NUDT4: variants seen among roughly 807,000 people sequenced by gnomAD.
The protein encoded by NUDT4 is diphosphoinositol polyphosphate phosphohydrolase 2.
A neutral mutation model predicts 23.1 loss-of-function variants in NUDT4; 5 were observed. The observed-to-expected ratio is 0.22, with a 90% CI of 0.11 to 0.46. The LOEUF (loss-of-function observed/expected upper bound fraction) is 0.46, where lower values mean the gene tolerates loss of function less well. Among genes scored for constraint, NUDT4 ranks in the 20% least tolerant of loss-of-function variants. NUDT4 has a pLI of 0.99. For missense variants in NUDT4, 96 were observed against 211.6 expected (o/e 0.45, Z 3.39); for synonymous variants, 50 against 79.0 (o/e 0.63, Z 1.95).
chr12:93,384,791 C>G (rs562378517), intron 1 of NUDT4, among the ~76,000 whole-genome samples: 9 of 151,962 alleles, frequency 5.9e-5, no homozygotes, highest in African/African-American at 2.2e-4. Flanking sequence ...GAGTCTCACT[C>G]TGTCACCCAG....
rs1379685082 is a variant in NUDT4 at position 93,403,053 on chromosome 12, A to T, written c.*3674A>T. 5 of 149,572 alleles carry T rather than the reference A, an allele frequency of 3.3e-5. No homozygotes were observed. Among genetic ancestry groups the T allele is most frequent in the Non-Finnish European group, 5.9e-5 (4 of 67,938 alleles). The allele number at this position is 149,572 out of a possible 1,614,324, so 9.3% of individuals were successfully genotyped here. On this transcript the variant is annotated 3_prime_UTR_variant, in exon 5 of 5. Coordinates refer to ENST00000415493, the MANE Select transcript of NUDT4 (RefSeq NM_019094.6). ...TTTAATTTTTTTTTTTTTTTGGTAG[A>T]GATGGGGTCTTGCTGTGTTGCCCAG... is the stretch of plus-strand genomic sequence containing the variant.
chr12:93,395,342 CT>C (rs1401448501), intron 2 of NUDT4, 146 bp from the exon 3 acceptor site: 1 of 669,082 alleles, frequency 1.5e-6, no homozygotes, highest in African/African-American at 1.8e-5. Context: ...ACAATAAAAA[CT>C]TCACAGAAGC....
intron 3 of NUDT4, 87 bp downstream of exon 3, chr12:93,395,620 C>G (rs554846117): frequency 9.5e-7 from 1 of 1,049,832 alleles, no homozygotes; most frequent in South Asian, 1.3e-5. Context: ...GCAGCCTGAA[C>G]CAGACATTTC....
At position 93,406,631 on chromosome 12, in the gene NUDT4, C is replaced by T. The variant is rs1877832960; in HGVS notation, c.*7252C>T. 6.6e-6 allele frequency: 1 copy of T among 152,152 alleles called. No individual in the cohort carries two copies. The highest frequency in any genetic ancestry group is 1.5e-5 in the Non-Finnish European group (1 of 68,046). The allele number at this position is 152,152 out of a possible 1,614,324, so 9.4% of individuals were successfully genotyped here. On this transcript the variant is annotated 3_prime_UTR_variant, in exon 5 of 5. Transcript: ENST00000415493. ...TTCCAAAAAACATTGTGTCTGTAGT[C>T]AACATGTATATTTTTGTCATTATTC...
chr12:93,394,169 A>AT (rs1267843482), intron 1 of NUDT4, among the ~76,000 whole-genome samples: 2 of 152,074 alleles, frequency 1.3e-5, no homozygotes, highest in Non-Finnish European at 2.9e-5. Context: ...TGCCTGGCTA[A>AT]TTTTTTTAGT....
In NUDT4 at chr12:93,398,357, AAAGAAAAG is replaced by A. The variant is rs1209004135; in HGVS notation, c.256-411_256-404del. Among the ~76,000 whole-genome samples, 156 of 143,418 alleles carry A rather than the reference AAAGAAAAG, an allele frequency of 1.1e-3. 1 individual carries two copies. Among genetic ancestry groups the A allele is most frequent in the African/African-American group, 4.3e-3 (145 of 33,904 alleles). 94.1% of individuals were successfully genotyped at this position (143,418 alleles called of 152,430 possible). A position where few individuals can be genotyped will look rare whatever the true frequency, so the allele number is the denominator to read the frequency against. ...CTGTCTCAAAAAAAAAAAAAAAAAA[AAAGAAAAG>A]AACATCAGATATATAGAAATAAGTG... On this transcript the variant is annotated intron_variant, in intron 3 of 4. Transcript: ENST00000415493.
chr12:93,392,532 C>G (rs1876620325), intron 1 of NUDT4, among the ~76,000 whole-genome samples: 1 of 151,122 alleles, frequency 6.6e-6, no homozygotes, highest in African/African-American at 2.4e-5. Context: ...GCTAGGATTA[C>G]AGGCATGAGC....
chr12:93,389,999 C>G (rs1876372990), intron 1 of NUDT4, among the ~76,000 whole-genome samples: 1 of 152,126 alleles, frequency 6.6e-6, no homozygotes. Context: ...TAATTTAGCT[C>G]TGTCTTGGAG....
intron 3 of NUDT4, among the ~76,000 whole-genome samples, chr12:93,395,828 C>T (rs1389794259): frequency 1.3e-5 from 2 of 152,172 alleles, no homozygotes; most frequent in African/African-American, 2.4e-5. Context: ...TCAAGCAATT[C>T]TCCTGCCTCG....
intron 3 of NUDT4, among the ~76,000 whole-genome samples, chr12:93,396,044 A>G (rs745805491): frequency 6.6e-6 from 1 of 152,204 alleles, no homozygotes; most frequent in Non-Finnish European, 1.5e-5. Flanking sequence ...TAGCATTATT[A>G]TGGTAGTGAT....
intron 1 of NUDT4, among the ~76,000 whole-genome samples, chr12:93,380,081 C>T (rs532099609): frequency 6.6e-6 from 1 of 152,298 alleles, no homozygotes; most frequent in Admixed American, 6.5e-5. Flanking sequence ...CCAAATGACA[C>T]AATTAGGAAG....
Position 93,392,252 on chromosome 12 carries a change from C to G in NUDT4, c.100-2357C>G, listed in dbSNP as rs928355210. ...CAAATATTCCTTTGTTTCCCCCCCC[C>G]CCTTTTTTTTTTCCTTTTTTTGAGA... On this transcript the variant is annotated intron_variant, in intron 1 of 4. Coordinates refer to ENST00000415493, the MANE Select transcript of NUDT4 (RefSeq NM_019094.6). Among the ~76,000 whole-genome samples the G allele has an allele frequency of 8.0e-4, 112 of 139,384 alleles. 1 individual carries two copies. Among genetic ancestry groups the G allele is most frequent in the African/African-American group, 1.3e-3 (49 of 38,886 alleles). 91.4% of individuals were successfully genotyped at this position (139,384 alleles called of 152,430 possible).
At position 93,394,501 on chromosome 12, in the gene NUDT4, A is replaced by T. The variant is rs1021400653; in HGVS notation, c.100-108A>T. 3.3e-5 allele frequency: 19 copies of T among 580,962 alleles called. No individual in the cohort carries two copies. The South Asian group carries it at 3.8e-4, about 12-fold the overall frequency. The allele number at this position is 580,962 out of a possible 1,614,324, so 36.0% of individuals were successfully genotyped here. A position where few individuals can be genotyped will look rare whatever the true frequency, so the allele number is the denominator to read the frequency against. On this transcript the variant is annotated intron_variant, in intron 1 of 4. Coordinates refer to ENST00000415493, the MANE Select transcript of NUDT4 (RefSeq NM_019094.6). ...CCCCCTAATTTTAATTAAATTTTAA[A>T]ATATTTTAATCTAGAATAGAGTTAT...
chr12:93,397,723 C>T (rs557626545), intron 3 of NUDT4, among the ~76,000 whole-genome samples: 1 of 152,106 alleles, frequency 6.6e-6, no homozygotes, highest in East Asian at 1.9e-4. Flanking sequence ...CGGGGTTTCA[C>T]CATGTTGGAC....
intron 1 of NUDT4, among the ~76,000 whole-genome samples, chr12:93,392,549 G>A (rs941406367): frequency 4.7e-5 from 7 of 150,476 alleles, no homozygotes; most frequent in East Asian, 2.0e-4. Flanking sequence ...GAGCCACTGC[G>A]CCCGGCCAGA....
chr12:93,381,833 T>C (rs1875682359), intron 1 of NUDT4, among the ~76,000 whole-genome samples: 1 of 152,344 alleles, frequency 6.6e-6, no homozygotes, highest in South Asian at 2.1e-4. Flanking sequence ...AGATAGTAGA[T>C]GTGTTCAAGC....
intron 1 of NUDT4, 54 bp from the exon 2 acceptor site, chr12:93,394,555 T>G: frequency 1.0e-6 from 1 of 965,328 alleles, no homozygotes; most frequent in Non-Finnish European, 1.6e-6. Flanking sequence ...GAATGTTGTT[T>G]ATATACGAAG....
chr12:93,399,103 G>A, intron 4 of NUDT4, 74 bp from the exon 5 acceptor site: 2 of 1,038,682 alleles, frequency 1.9e-6, no homozygotes, highest in Non-Finnish European at 3.0e-6. Context: ...TTATCGGGGA[G>A]TAAGTGGACA....
At chr12:93,390,340 G>A (rs1413892088) in intron 1 of NUDT4, among the ~76,000 whole-genome samples, 2 of 152,128 alleles carry the variant, frequency 1.3e-5, no homozygotes, top group Non-Finnish European at 2.9e-5. Context: ...CCAGTGATGC[G>A]AGACAAACTC....
Sources: allele counts gnomAD v4.1 joint callset (sites outside exome capture counted in the v4.1 genomes callset), GRCh38; gene constraint gnomAD v4.1.1; transcripts MANE v1.5; gene names NCBI Gene and HGNC (gene_info 2026-07-23, HGNC 2026-07-21).